CDH9: variants seen among roughly 807,000 people sequenced by gnomAD.
CDH9 encodes the protein cadherin-9.
CDH9 carries 28 observed loss-of-function variants against 70.9 expected under a neutral mutation model. That is an observed-to-expected ratio of 0.40 (90% CI 0.29 to 0.54). The LOEUF (loss-of-function observed/expected upper bound fraction) is 0.54. Ranked by LOEUF, CDH9 falls within the 20% of genes least tolerant of loss-of-function variation. The probability of loss-of-function intolerance (pLI) is 0.59; values close to 1 mark genes in which losing one functional copy is unlikely to be tolerated. For synonymous variants in CDH9, 409 were observed against 343.1 expected (o/e 1.19, Z -2.12); for missense variants, 874 against 984.4 (o/e 0.89, Z 1.50).
intron 2 of CDH9, among the ~76,000 whole-genome samples, chr5:26,965,051 T>A (rs1352111909): frequency 6.6e-6 from 1 of 152,136 alleles, no homozygotes; most frequent in African/African-American, 2.4e-5. Flanking sequence ...AACTACTAAC[T>A]TTTATTCTTA....
intron 5 of CDH9, 26 bp downstream of exon 5, chr5:26,905,933 C>A: frequency 6.3e-7 from 1 of 1,590,936 alleles, no homozygotes; most frequent in Non-Finnish European, 8.6e-7. Flanking sequence ...AGTTTTTGGA[C>A]ATGAGATCAC....
chr5:26,945,630 T>C (rs542918997), intron 2 of CDH9, among the ~76,000 whole-genome samples: 1 of 152,260 alleles, frequency 6.6e-6, no homozygotes, highest in South Asian at 2.1e-4. Context: ...TCAAACAAAT[T>C]TTCAAGTTCA....
chr5:26,909,406 AAAAT>A (rs986997996), intron 3 of CDH9, among the ~76,000 whole-genome samples: 9 of 151,954 alleles, frequency 5.9e-5, no homozygotes, highest in Non-Finnish European at 1.0e-4. Context: ...TTAGTTATTT[AAAAT>A]AAATATTTTA....
chr5:26,937,738 A>G (rs1741585245), intron 2 of CDH9, among the ~76,000 whole-genome samples: 3 of 152,246 alleles, frequency 2.0e-5, no homozygotes, highest in South Asian at 4.1e-4. Flanking sequence ...TATATACCAT[A>G]GGATTCTAAT....
In CDH9 at chr5:26,988,231, T is replaced by G; in HGVS notation, c.103A>C (p.Lys35Gln). 2 of 1,613,554 alleles carry G rather than the reference T, an allele frequency of 1.2e-6. No homozygotes were observed. Among genetic ancestry groups the G allele is most frequent in the Non-Finnish European group, 1.7e-6 (2 of 1,179,614 alleles). ...QEKPNSYLSS[K>Q]KIAGLTKDDG... Reference sequence around the variant, plus strand: ...TCTTTTGTCAGACCCGCTATCTTTTTGCTTGATAAATAACTGTTAGGTTTT... The same window carrying G: ...TCTTTTGTCAGACCCGCTATCTTTTGGCTTGATAAATAACTGTTAGGTTTT... The change falls in exon 2 of 12, where the codon AAA becomes CAA. Residue 35 changes from lysine (K) to glutamine (Q), a missense_variant. Lys to Gln is a moderately conservative substitution (Grantham distance 53). Transcript: ENST00000231021.
At chr5:26,979,181 T>A (rs1258925138) in intron 2 of CDH9, among the ~76,000 whole-genome samples, 2 of 151,614 alleles carry the variant, frequency 1.3e-5, no homozygotes, top group South Asian at 4.1e-4. Context: ...CATTATGCAG[T>A]TTACAATATA....
chr5:26,886,191 A>C, intron 9 of CDH9, 108 bp from the exon 10 acceptor site: 2 of 1,268,374 alleles, frequency 1.6e-6, no homozygotes, highest in Non-Finnish European at 2.1e-6. Flanking sequence ...CACGAAAACA[A>C]AGCAAGAAAA....
chr5:26,972,607 G>A (rs1168520111), intron 2 of CDH9, among the ~76,000 whole-genome samples: 3 of 152,128 alleles, frequency 2.0e-5, no homozygotes, highest in African/African-American at 4.8e-5. Flanking sequence ...CTGCCTACAA[G>A]TGGACATACG....
chr5:26,975,103 A>C (rs924684499), intron 2 of CDH9, among the ~76,000 whole-genome samples: 5 of 152,158 alleles, frequency 3.3e-5, no homozygotes, highest in Non-Finnish European at 5.9e-5. Flanking sequence ...TCTGATTGAC[A>C]TGTGAGTGGA....
intron 9 of CDH9, among the ~76,000 whole-genome samples, 160 bp downstream of exon 9, chr5:26,889,676 T>TA (rs1740622320): frequency 7.5e-6 from 1 of 133,694 alleles, no homozygotes; most frequent in South Asian, 2.7e-4. Flanking sequence ...AAATCACCTT[T>TA]TTAAAAAATC....
intron 2 of CDH9, among the ~76,000 whole-genome samples, chr5:26,962,878 C>G (rs1742061534): frequency 6.6e-6 from 1 of 152,092 alleles, no homozygotes; most frequent in Admixed American, 6.6e-5. Context: ...TGCTCACCTC[C>G]TCAAGATGTC....
intron 1 of CDH9, among the ~76,000 whole-genome samples, chr5:27,034,622 C>A (rs1383564035): frequency 6.6e-6 from 1 of 151,390 alleles, no homozygotes; most frequent in African/African-American, 2.4e-5. Flanking sequence ...GACCACAACA[C>A]CCCATGATGT....
chr5:26,941,029 T>G (rs6882849), intron 2 of CDH9, among the ~76,000 whole-genome samples: 3,610 of 152,308 alleles, frequency 0.024, 147 homozygotes, highest in African/African-American at 0.082. Context: ...AAATAATCAC[T>G]GAATGAGAAA....
chr5:26,995,614 C>T (rs16896449), intron 1 of CDH9, among the ~76,000 whole-genome samples: 3,508 of 152,134 alleles, frequency 0.023, 150 homozygotes, highest in African/African-American at 0.081. Flanking sequence ...CATTCCTCTG[C>T]TTTTGGACAA....
intron 2 of CDH9, among the ~76,000 whole-genome samples, chr5:26,967,961 T>A (rs373021461): frequency 1.4e-3 from 212 of 151,768 alleles, no homozygotes; most frequent in African/African-American, 4.2e-3. Flanking sequence ...GATTCTCTCA[T>A]CTCTGCCTCC....
At chr5:26,997,541 A>G (rs1479274267) in intron 1 of CDH9, among the ~76,000 whole-genome samples, 5 of 152,224 alleles carry the variant, frequency 3.3e-5, no homozygotes, top group Non-Finnish European at 7.3e-5. Flanking sequence ...TAACTTGAAC[A>G]TATACCTTAT....
At chr5:26,923,636 A>G (rs1314068713) in intron 2 of CDH9, among the ~76,000 whole-genome samples, 1 of 152,022 alleles carries the variant, frequency 6.6e-6, no homozygotes, top group East Asian at 1.9e-4. Flanking sequence ...TCTTATTGAT[A>G]ATTTTCAAGG....
intron 8 of CDH9, 86 bp from the exon 9 acceptor site, chr5:26,890,043 C>CTAAGATTT: frequency 7.9e-7 from 1 of 1,263,906 alleles, no homozygotes; most frequent in Non-Finnish European, 1.1e-6. Context: ...AGCAACAGAT[C>CTAAGATTT]CTTTTTGTGG....
chr5:26,935,174 CCAAAAG>C (rs1026221868), intron 2 of CDH9, among the ~76,000 whole-genome samples: 2 of 151,968 alleles, frequency 1.3e-5, no homozygotes, highest in African/African-American at 2.4e-5. Flanking sequence ...TTAACAGTTT[CCAAAAG>C]ATATTCATGA....
Sources: gnomAD v4.1 joint callset for allele counts (sites outside exome capture counted in the v4.1 genomes callset) on GRCh38, gnomAD v4.1.1 for gene constraint, MANE v1.5 for transcripts, NCBI Gene and HGNC (gene_info 2026-07-23, HGNC 2026-07-21) for gene names.